Variants in ZNF609 observed in about 807,000 individuals in gnomAD.
The protein encoded by ZNF609 is zinc finger protein 609.
ZNF609 carries 11 observed loss-of-function variants against 109.5 expected under a neutral mutation model. The observed-to-expected ratio is 0.10, with a 90% CI of 0.06 to 0.17. The LOEUF is 0.17. Among genes scored for constraint, ZNF609 ranks in the 10% least tolerant of loss-of-function variants. The probability of loss-of-function intolerance (pLI) is 1.00; values close to 1 mark genes in which losing one functional copy is unlikely to be tolerated. For synonymous variants in ZNF609, 646 were observed against 662.0 expected (o/e 0.98, Z 0.37); for missense variants, 1,559 against 1,772.4 (o/e 0.88, Z 2.16).
At chr15:64,586,421 G>T in intron 2 of ZNF609, among the ~76,000 whole-genome samples, 1 of 152,064 alleles carries the variant, frequency 6.6e-6, no homozygotes. Flanking sequence ...ACTGGTCCAT[G>T]GCCTGTTAGG....
chr15:64,641,051 A>G (rs1364960300), intron 3 of ZNF609, among the ~76,000 whole-genome samples: 3 of 152,150 alleles, frequency 2.0e-5, no homozygotes, highest in Admixed American at 6.5e-5. Context: ...TTTCCTGCCT[A>G]TAGTTTTAGC....
chr15:64,495,639 C>T (rs900154249), intron 1 of ZNF609, among the ~76,000 whole-genome samples: 3 of 151,854 alleles, frequency 2.0e-5, no homozygotes, highest in Admixed American at 6.6e-5. Flanking sequence ...GATCCTCAAG[C>T]GATCCACCCA....
At chr15:64,487,067 A>G (rs149849059) in intron 1 of ZNF609, among the ~76,000 whole-genome samples, 3 of 152,288 alleles carry the variant, frequency 2.0e-5, no homozygotes, top group African/African-American at 7.2e-5. Context: ...CTACTATTAC[A>G]TTTTTGGTGC....
chr15:64,582,674 A>G (rs1895124699), intron 2 of ZNF609, among the ~76,000 whole-genome samples: 1 of 149,750 alleles, frequency 6.7e-6, no homozygotes, highest in Non-Finnish European at 1.5e-5. Flanking sequence ...GCCTTAAGCA[A>G]TCCTACATTT....
chr15:64,569,577 G>A (rs185908471), intron 2 of ZNF609, among the ~76,000 whole-genome samples: 2 of 152,222 alleles, frequency 1.3e-5, no homozygotes, highest in African/African-American at 4.8e-5. Context: ...AGATACTTCT[G>A]AATATGTAAA....
Position 64,677,674 on chromosome 15 carries a change from C to T in ZNF609, c.3403-442C>T, listed in dbSNP as rs901895067. Among the ~76,000 whole-genome samples the T allele has an allele frequency of 3.3e-5, 5 of 152,318 alleles. No individual in the cohort carries two copies. In the East Asian group the frequency reaches 9.6e-4, roughly 29 times the overall value. The stretch of plus-strand genomic sequence containing the variant: ...CTGCTCATGAGACTTAGAATGTCTT[C>T]CCTTCCCTCTTGGTATAATAGTTAT... On this transcript the variant is annotated intron_variant, in intron 5 of 9. Transcript: ENST00000326648.
chr15:64,478,914 T>A (rs1175565512), intron 1 of ZNF609, among the ~76,000 whole-genome samples: 1 of 152,230 alleles, frequency 6.6e-6, no homozygotes, highest in Non-Finnish European at 1.5e-5. Flanking sequence ...AATCCAAGTG[T>A]ATGTTGTTGT....
intron 1 of ZNF609, among the ~76,000 whole-genome samples, chr15:64,464,503 G>A (rs1482359227): frequency 2.0e-5 from 3 of 152,218 alleles, no homozygotes; most frequent in Non-Finnish European, 4.4e-5. Context: ...ATTAGCCTGA[G>A]ATGAGGCAGC....
At chr15:64,545,736 A>G (rs72742907) in intron 2 of ZNF609, among the ~76,000 whole-genome samples, 7,333 of 152,290 alleles carry the variant, frequency 0.048, 236 homozygotes, top group South Asian at 0.086. Context: ...TGCCTGTTCT[A>G]GAATATGTAT....
intron 2 of ZNF609, among the ~76,000 whole-genome samples, chr15:64,607,289 A>G (rs1035199358): frequency 1.3e-5 from 2 of 152,126 alleles, no homozygotes; most frequent in Non-Finnish European, 2.9e-5. Flanking sequence ...TACAAACATT[A>G]TATACATTAT....
chr15:64,577,813 C>T (rs982408146), intron 2 of ZNF609, among the ~76,000 whole-genome samples: 3 of 151,038 alleles, frequency 2.0e-5, no homozygotes, highest in Non-Finnish European at 4.4e-5. Context: ...GAGCAGAGAT[C>T]GCACCACTGC....
intron 2 of ZNF609, among the ~76,000 whole-genome samples, chr15:64,590,890 G>A (rs1010817040): frequency 7.2e-5 from 11 of 151,974 alleles, no homozygotes; most frequent in Admixed American, 5.2e-4. Context: ...AAGACAAATA[G>A]GTTCAAAAGT....
rs911740559 is a variant in ZNF609, at chr15:64,498,718, C to T, written c.-127-575C>T. On this transcript the variant is annotated intron_variant, in intron 1 of 9. Coordinates refer to ENST00000326648, the MANE Select transcript of ZNF609 (RefSeq NM_015042.2). ...TCTAGTTCAAGTCTTAGCCCCCTGT[C>T]CTGAAGTTGCATTTTCCCCAGTTCT... is the stretch of plus-strand genomic sequence containing the variant. Among the ~76,000 whole-genome samples the T allele has an allele frequency of 3.3e-5, 5 of 152,038 alleles. No homozygotes were observed. In the South Asian group the frequency reaches 1.0e-3, roughly 32 times the overall value.
intron 2 of ZNF609, among the ~76,000 whole-genome samples, chr15:64,538,555 TA>T (rs533451599): frequency 4.6e-4 from 70 of 152,342 alleles, no homozygotes; most frequent in African/African-American, 1.7e-3. Context: ...TATTTATTTT[TA>T]TTTTTTTGAG....
At chr15:64,665,879 C>A (rs571519231) in intron 3 of ZNF609, among the ~76,000 whole-genome samples, 1 of 150,654 alleles carries the variant, frequency 6.6e-6, no homozygotes, top group Non-Finnish European at 1.5e-5. Context: ...GCACTCCAGT[C>A]TAGGCAACAA....
chr15:64,554,618 A>G (rs1371137249), intron 2 of ZNF609, among the ~76,000 whole-genome samples: 2 of 152,064 alleles, frequency 1.3e-5, no homozygotes, highest in Non-Finnish European at 2.9e-5. Context: ...TGATAGTGCC[A>G]CTGCATTCCA....
At chr15:64,666,089 ACAC>A (rs1206623003) in intron 3 of ZNF609, among the ~76,000 whole-genome samples, 3 of 78,530 alleles carry the variant, frequency 3.8e-5, no homozygotes, top group African/African-American at 5.5e-5. Flanking sequence ...AAAAAAAAAA[ACAC>A]ACACACACAA....
At chr15:64,483,152 A>G (rs572169706) in intron 1 of ZNF609, among the ~76,000 whole-genome samples, 5 of 148,604 alleles carry the variant, frequency 3.4e-5, no homozygotes, top group South Asian at 2.1e-4. Flanking sequence ...CTGGAGTGCA[A>G]TGGTGCTATC....
chr15:64,466,947 C>T (rs1466459045), intron 1 of ZNF609, among the ~76,000 whole-genome samples: 1 of 152,150 alleles, frequency 6.6e-6, no homozygotes, highest in Non-Finnish European at 1.5e-5. Context: ...TCCCCCCTCC[C>T]CTTGCTCTAG....
Sources: gnomAD v4.1 joint callset for allele counts (sites outside exome capture counted in the v4.1 genomes callset) on GRCh38, gnomAD v4.1.1 for gene constraint, MANE v1.5 for transcripts, NCBI Gene and HGNC (gene_info 2026-07-23, HGNC 2026-07-21) for gene names.